APBB1IP: variants seen among roughly 807,000 people sequenced by gnomAD.
APBB1IP encodes amyloid beta A4 precursor protein-binding family B member 1-interacting protein.
Under a neutral mutation model 64.9 loss-of-function variants are expected in APBB1IP, and 27 were observed. That is an observed-to-expected ratio of 0.42 (90% confidence interval 0.31 to 0.57). The LOEUF (loss-of-function observed/expected upper bound fraction) is 0.57, where lower values mean the gene tolerates loss of function less well. Ranked by LOEUF, APBB1IP falls within the 20% of genes least tolerant of loss-of-function variation. APBB1IP has a pLI of 0.20. For missense variants in APBB1IP, 812 were observed against 845.5 expected, an observed-to-expected ratio of 0.96 and a Z score of 0.49; for synonymous variants, 392 against 331.0, an observed-to-expected ratio of 1.18 and a Z score of -2.00.
chr10:26,553,995 A>G (rs1428772714), intron 11 of APBB1IP, among the ~76,000 whole-genome samples: 1 of 152,202 alleles, frequency 6.6e-6, no homozygotes, highest in Non-Finnish European at 1.5e-5. Context: ...CGCTGAGATC[A>G]CATTCACAGC....
intron 14 of APBB1IP, 84 bp from the exon 15 acceptor site, chr10:26,566,877 A>T: frequency 7.1e-7 from 1 of 1,409,554 alleles, no homozygotes. Context: ...ACAGAGTGAG[A>T]CCCCGTCTCC....
At chr10:26,511,186 G>GA (rs1318203443) in intron 6 of APBB1IP, among the ~76,000 whole-genome samples, 2 of 151,648 alleles carry the variant, frequency 1.3e-5, no homozygotes, top group African/African-American at 4.8e-5. Context: ...ACTGGAAAAA[G>GA]AAAAAAAATT....
chr10:26,511,815 C>T lies in APBB1IP; in HGVS notation c.600C>T (p.Ala200=). The T allele has an allele frequency of 2.5e-6, 4 of 1,614,146 alleles. No homozygotes were observed. In the South Asian group the frequency reaches 4.4e-5, roughly 18 times the overall value. Residue 200 remains alanine (A), a synonymous_variant, in exon 7 of 15, where the codon GCC becomes GCT. Coordinates refer to ENST00000376236, the MANE Select transcript of APBB1IP (RefSeq NM_019043.4). The part of the protein sequence containing the change: ...KSLMVDERQL[A]RDVLDNLFEK... ...TGATGGTGGATGAGCGGCAGCTGGC[C>T]CGAGATGTTCTGGACAACCTTTTCG...
intron 2 of APBB1IP, among the ~76,000 whole-genome samples, chr10:26,439,063 G>C (rs1835311548): frequency 6.6e-6 from 1 of 152,180 alleles, no homozygotes; most frequent in Non-Finnish European, 1.5e-5. Flanking sequence ...CCCGGCTCGC[G>C]AGGGTGGGGG....
intron 11 of APBB1IP, among the ~76,000 whole-genome samples, chr10:26,558,292 C>T (rs909089821): frequency 3.9e-5 from 6 of 152,148 alleles, no homozygotes; most frequent in Admixed American, 1.3e-4. Flanking sequence ...GCCGGCCCCT[C>T]GCCTGATGAC....
intron 8 of APBB1IP, among the ~76,000 whole-genome samples, chr10:26,523,010 CAAAAAAAAAAAA>C (rs35641109): frequency 1.7e-4 from 11 of 64,728 alleles, no homozygotes; most frequent in African/African-American, 5.6e-4. Context: ...ACTCCATCTC[CAAAAAAAAAAAA>C]AAAAAAAAAA....
chr10:26,456,445 T>C (rs16927025), intron 2 of APBB1IP, among the ~76,000 whole-genome samples: 5,284 of 152,110 alleles, frequency 0.035, 305 homozygotes, highest in African/African-American at 0.12. Context: ...GGTTGGACTA[T>C]GGAAAAATTT....
intron 2 of APBB1IP, among the ~76,000 whole-genome samples, chr10:26,453,279 A>G (rs566313168): frequency 6.6e-6 from 1 of 152,298 alleles, no homozygotes; most frequent in South Asian, 2.1e-4. Context: ...TGGTGTGTTT[A>G]CAGGAGGAGA....
At chr10:26,463,733 TA>T (rs1025629601) in intron 2 of APBB1IP, among the ~76,000 whole-genome samples, 1 of 152,212 alleles carries the variant, frequency 6.6e-6, no homozygotes, top group African/African-American at 2.4e-5. Context: ...ATAGCATTTT[TA>T]AAAAATGTTT....
At chr10:26,475,179 G>A (rs985400829) in intron 2 of APBB1IP, among the ~76,000 whole-genome samples, 2 of 150,280 alleles carry the variant, frequency 1.3e-5, no homozygotes, top group Non-Finnish European at 3.0e-5. Flanking sequence ...CTGGAGTGCA[G>A]TGGTGCAATC....
intron 2 of APBB1IP, among the ~76,000 whole-genome samples, chr10:26,456,644 T>G (rs1835528405): frequency 7.1e-6 from 1 of 140,866 alleles, no homozygotes; most frequent in Admixed American, 7.7e-5. Context: ...GAGGCTGAGG[T>G]GGGAGGATGG....
chr10:26,494,780 G>T (rs1327287580), intron 3 of APBB1IP, among the ~76,000 whole-genome samples: 1 of 152,048 alleles, frequency 6.6e-6, no homozygotes, highest in Non-Finnish European at 1.5e-5. Context: ...AGCTGAGATT[G>T]TGCCATTGCA....
intron 11 of APBB1IP, among the ~76,000 whole-genome samples, chr10:26,558,923 T>A (rs1310250043): frequency 6.6e-6 from 1 of 152,234 alleles, no homozygotes; most frequent in East Asian, 1.9e-4. Context: ...CATTGCTTAG[T>A]GCTACTTGCA....
At chr10:26,473,162 T>A (rs1157888102) in intron 2 of APBB1IP, among the ~76,000 whole-genome samples, 1 of 152,234 alleles carries the variant, frequency 6.6e-6, no homozygotes, top group Admixed American at 6.5e-5. Flanking sequence ...TTTTTAGGTT[T>A]ATCAAAAAAT....
chr10:26,533,145 A>G (rs1372233413), intron 8 of APBB1IP, among the ~76,000 whole-genome samples: 1 of 152,200 alleles, frequency 6.6e-6, no homozygotes, highest in Non-Finnish European at 1.5e-5. Context: ...TTTAACATGC[A>G]TGGTCCATGC....
chr10:26,492,538 T>C lies in APBB1IP; in HGVS notation c.72+140T>C, dbSNP rs181400785. On this transcript the variant is annotated intron_variant, in intron 3 of 14. Coordinates refer to ENST00000376236, the MANE Select transcript of APBB1IP (RefSeq NM_019043.4). Reference sequence around the variant, plus strand: ...CCCCGATATTTCAATGTAGGTTCTTTTCTATTTTCCCTAAGTGACGGCGGG... The same window carrying C: ...CCCCGATATTTCAATGTAGGTTCTTCTCTATTTTCCCTAAGTGACGGCGGG... 1.1e-4 allele frequency: 79 copies of C among 736,824 alleles called. No individual in the cohort carries two copies. The East Asian group carries it at 1.7e-3, about 16-fold the overall frequency. 45.6% of individuals were successfully genotyped at this position (736,824 alleles called of 1,614,324 possible). A position where few individuals can be genotyped will look rare whatever the true frequency, so the allele number is the denominator to read the frequency against.
intron 8 of APBB1IP, among the ~76,000 whole-genome samples, chr10:26,532,457 G>T (rs1401317850): frequency 2.0e-5 from 3 of 151,982 alleles, no homozygotes; most frequent in Non-Finnish European, 4.4e-5. Context: ...GTCCACTTGT[G>T]AGTTCTTTTA....
At chr10:26,515,704 AG>A (rs1364677000) in intron 8 of APBB1IP, among the ~76,000 whole-genome samples, 2 of 152,220 alleles carry the variant, frequency 1.3e-5, no homozygotes, top group African/African-American at 4.8e-5. Flanking sequence ...AACTAAGATT[AG>A]CCATGGTGGG....
At chr10:26,538,513 C>T (rs566010863) in intron 10 of APBB1IP, among the ~76,000 whole-genome samples, 6 of 151,638 alleles carry the variant, frequency 4.0e-5, no homozygotes, top group East Asian at 1.9e-4. Context: ...TGGTGGCGGG[C>T]GCCTGTAATC....
Sources: gnomAD v4.1 joint callset for allele counts (sites outside exome capture counted in the v4.1 genomes callset) on GRCh38, gnomAD v4.1.1 for gene constraint, MANE v1.5 for transcripts, NCBI Gene and HGNC (gene_info 2026-07-23, HGNC 2026-07-21) for gene names.